BCR: variants seen among roughly 807,000 people sequenced by gnomAD.
BCR encodes the protein BCR activator of RhoGEF and GTPase.
Under a neutral mutation model 138.6 loss-of-function variants are expected in BCR, and 58 were observed. The ratio of observed to expected loss-of-function variants is 0.42; its 90% CI spans 0.34 to 0.52. The LOEUF (loss-of-function observed/expected upper bound fraction) is 0.52. Ranked by LOEUF, BCR falls within the 20% of genes least tolerant of loss-of-function variation. The pLI is 0.06. For synonymous variants in BCR, 786 were observed against 730.1 expected (o/e 1.08, Z -1.23); for missense variants, 1,599 against 1,727.2 (o/e 0.93, Z 1.32).
At position 23,243,717 on chromosome 22, in the gene BCR, C is replaced by T. The variant is rs539723764; in HGVS notation, c.1280-10082C>T. On this transcript the variant is annotated intron_variant, in intron 1 of 22. Transcript: ENST00000305877. ...AGGCTGGAGTGCAGTGGCGAGATCTCGGCTCACTGCAACCTCCCGGGTTCA... is the reference window on the plus strand; with the variant it reads ...AGGCTGGAGTGCAGTGGCGAGATCTTGGCTCACTGCAACCTCCCGGGTTCA... 6.4e-4 allele frequency among the ~76,000 whole-genome samples: 96 copies of T among 150,660 alleles called. No homozygotes were observed. The South Asian group carries it at 0.012, about 19-fold the overall frequency.
At chr22:23,216,960 G>A (rs535040149) in intron 1 of BCR, 148 of 409,272 alleles carry the variant, frequency 3.6e-4, no homozygotes, top group African/African-American at 2.4e-3. Context: ...ACAGTGTGTC[G>A]CAAGTCTTGC....
rs150698529 is a variant in BCR at position 23,288,212 on chromosome 22, C to T, written c.2602+40C>T. On this transcript the variant is annotated intron_variant, in intron 12 of 22. Coordinates refer to ENST00000305877, the MANE Select transcript of BCR (RefSeq NM_004327.4). ...TCCTGAGAGGGGCTGGGCTTCAAAC[C>T]ATTAGGGCCAGGCTGGCAGCTCCTG... is the stretch of plus-strand genomic sequence containing the variant. 1,318 of 1,578,838 alleles carry T rather than the reference C, an allele frequency of 8.3e-4. 21 individuals are homozygous for T. In the East Asian group the frequency reaches 0.027, roughly 32 times the overall value.
chr22:23,276,029 C>T (rs753432714), intron 8 of BCR, among the ~76,000 whole-genome samples: 6 of 152,110 alleles, frequency 3.9e-5, no homozygotes, highest in Non-Finnish European at 8.8e-5. Flanking sequence ...TTCCTGCATC[C>T]GTCCCCATGG....
intron 1 of BCR, among the ~76,000 whole-genome samples, chr22:23,216,634 G>A (rs562382675): frequency 1.3e-5 from 2 of 152,234 alleles, no homozygotes; most frequent in Non-Finnish European, 2.9e-5. Context: ...TTAAAACAAT[G>A]CGATTTAATC....
intron 1 of BCR, among the ~76,000 whole-genome samples, chr22:23,207,403 C>T (rs887982840): frequency 9.2e-5 from 14 of 152,070 alleles, no homozygotes; most frequent in African/African-American, 2.9e-4. Flanking sequence ...TTGGGAGGGT[C>T]GCTTGAGCCC....
intron 20 of BCR, 46 bp downstream of exon 20, chr22:23,313,067 T>A: frequency 6.5e-7 from 1 of 1,538,204 alleles, no homozygotes; most frequent in East Asian, 2.4e-5. Context: ...CTCCTCCACG[T>A]GCACTGCTGC....
chr22:23,312,742 G>A, intron 19 of BCR, 145 bp from the exon 20 acceptor site: 1 of 683,768 alleles, frequency 1.5e-6, no homozygotes, highest in Non-Finnish European at 2.5e-6. Context: ...CAGCTCTTGG[G>A]AGGAGTCAGA....
intron 6 of BCR, 95 bp downstream of exon 6, chr22:23,271,687 T>G: frequency 8.0e-7 from 1 of 1,257,386 alleles, no homozygotes. Context: ...AGTGCCCACT[T>G]GGGTCATCCC....
intron 8 of BCR, among the ~76,000 whole-genome samples, chr22:23,275,020 G>A (rs2073559008): frequency 1.3e-5 from 2 of 151,990 alleles, no homozygotes; most frequent in Admixed American, 1.3e-4. Context: ...AGGGCCCCCA[G>A]GGTGGACCTG....
Position 23,312,990 on chromosome 22 carries a change from C to A in BCR, c.3426C>A (p.Asp1142Glu). The change falls in exon 20 of 23, where the codon GAC becomes GAA. Residue 1142 changes from aspartate (D) to glutamate (E), a missense_variant. Asp to Glu is a conservative substitution (Grantham distance 45). Around this residue, in one of 4 missense-constraint regions of BCR, gnomAD observed 177 missense variants for 226.4 expected, o/e 0.78. Transcript: ENST00000305877. ...AGCTGCCCGAGCCCCTCTTCACTGACGAGTTCTACCCCAACTTCGCAGAGG... is the reference window on the plus strand; with the variant it reads ...AGCTGCCCGAGCCCCTCTTCACTGAAGAGTTCTACCCCAACTTCGCAGAGG... ...FRELPEPLFT[D>E]EFYPNFAEGI... The A allele has an allele frequency of 6.3e-7, 1 of 1,587,788 alleles. No homozygotes were observed. The highest frequency in any genetic ancestry group is 8.5e-7 in the Non-Finnish European group (1 of 1,173,266).
intron 4 of BCR, chr22:23,264,115 G>A: frequency 1.3e-6 from 2 of 1,518,126 alleles, no homozygotes; most frequent in African/African-American, 1.4e-5. Context: ...GTCATGGAGT[G>A]GGAGGAGCCC....
chr22:23,197,603 A>G (rs1400620232), intron 1 of BCR, among the ~76,000 whole-genome samples: 1 of 152,128 alleles, frequency 6.6e-6, no homozygotes, highest in African/African-American at 2.4e-5. Flanking sequence ...ACAACAGGGA[A>G]GGTGAGGGAT....
In BCR at chr22:23,314,037, T is replaced by C; in HGVS notation, c.3527T>C (p.Leu1176Pro). Residue 1176 changes from leucine to proline, a missense_variant, in exon 21 of 23, where the codon CTG becomes CCG. Physicochemically the swap from Leu to Pro is moderately conservative, Grantham distance 98. Coordinates refer to ENST00000305877, the MANE Select transcript of BCR (RefSeq NM_004327.4). ...NLLLSLPEAN[L>P]LTFLFLLDHL... ...CTGCTGTCCCTGCCGGAGGCCAACC[T>C]GCTCACCTTCCTTTTCCTTCTGGAC... is the stretch of plus-strand genomic sequence containing the variant. The C allele has an allele frequency of 6.2e-7, 1 of 1,613,922 alleles. No individual in the cohort carries two copies. The highest frequency in any genetic ancestry group is 8.5e-7 in the Non-Finnish European group (1 of 1,180,020).
rs902152737 is a variant in BCR at position 23,257,866 on chromosome 22, T to G, written c.1462-3084T>G. 3.3e-5 allele frequency among the ~76,000 whole-genome samples: 5 copies of G among 152,166 alleles called. 1 individual carries two copies. Among genetic ancestry groups the G allele is most frequent in the Admixed American group, 1.3e-4 (2 of 15,284 alleles). On this transcript the variant is annotated intron_variant, in intron 2 of 22. Transcript: ENST00000305877. Reference sequence around the variant, plus strand: ...CCCTGAAGGAGCCCTCAGAGATTCATAAAAACGCAGCCAACACTAGGATAC... The same window carrying G: ...CCCTGAAGGAGCCCTCAGAGATTCAGAAAAACGCAGCCAACACTAGGATAC...
chr22:23,191,036 G>A (rs917657017), intron 1 of BCR, among the ~76,000 whole-genome samples: 2 of 151,948 alleles, frequency 1.3e-5, no homozygotes, highest in African/African-American at 4.8e-5. Context: ...GGGCTCAAGC[G>A]ATCCTCTCTC....
intron 1 of BCR, among the ~76,000 whole-genome samples, chr22:23,201,132 T>C (rs1419028069): frequency 6.6e-6 from 1 of 152,228 alleles, no homozygotes; most frequent in South Asian, 2.1e-4. Context: ...CCCATGTAGT[T>C]AAAAAGTCAC....
chr22:23,296,852 C>T (rs1159626166), intron 16 of BCR, among the ~76,000 whole-genome samples: 1 of 152,218 alleles, frequency 6.6e-6, no homozygotes, highest in Non-Finnish European at 1.5e-5. Flanking sequence ...CTCTGCCAGC[C>T]TTTGTGTGGA....
At chr22:23,305,703 G>A (rs1030173635) in intron 16 of BCR, among the ~76,000 whole-genome samples, 7 of 152,170 alleles carry the variant, frequency 4.6e-5, no homozygotes, top group African/African-American at 1.7e-4. Flanking sequence ...ATTCTTTCAA[G>A]GCTCCTGCCT....
At chr22:23,294,949 G>A (rs896445536) in intron 15 of BCR, 75 bp from the exon 16 acceptor site, 17 of 1,557,256 alleles carry the variant, frequency 1.1e-5, no homozygotes, top group African/African-American at 5.4e-5. Context: ...GGAGAGCCCC[G>A]GTTCAGAGGA....
Sources: gnomAD v4.1 joint callset for allele counts (sites outside exome capture counted in the v4.1 genomes callset) on GRCh38, gnomAD v4.1.1 for gene constraint, gnomAD v4.1.1 regional missense constraint, MANE v1.5 for transcripts, NCBI Gene and HGNC (gene_info 2026-07-23, HGNC 2026-07-21) for gene names.